The following P2RY6 variants were observed in gnomAD, a reference collection of about 807,000 sequenced individuals.
The protein encoded by P2RY6 is pyrimidinergic receptor P2Y6.
A neutral mutation model predicts 16.3 loss-of-function variants in P2RY6; 19 were observed. That is an observed-to-expected ratio of 1.16 (90% CI 0.81 to 1.71). The LOEUF is 1.71. Ranked by LOEUF, P2RY6 falls within the 40% of genes most tolerant of loss-of-function variation. P2RY6 has a pLI of 0.00. For missense variants in P2RY6, 389 were observed against 455.5 expected, an observed-to-expected ratio of 0.85 and a Z score of 1.33; for synonymous variants, 184 against 201.5, an observed-to-expected ratio of 0.91 and a Z score of 0.74.
At chr11:73,293,055 G>T in intron 1 of P2RY6, 1 of 337,992 alleles carries the variant, frequency 3.0e-6, no homozygotes, top group Non-Finnish European at 4.2e-6. Flanking sequence ...GGGCCACAGA[G>T]TTAGGAGGCC....
intron 1 of P2RY6, among the ~76,000 whole-genome samples, chr11:73,292,057 T>G (rs1288425897): frequency 1.3e-5 from 2 of 152,200 alleles, no homozygotes; most frequent in Non-Finnish European, 2.9e-5. Context: ...CATCCCCTGC[T>G]CTGGTCTCCT....
chr11:73,287,901 G>A (rs962817300), intron 1 of P2RY6, among the ~76,000 whole-genome samples: 17 of 152,182 alleles, frequency 1.1e-4, no homozygotes, highest in Admixed American at 7.2e-4. Context: ...ACCACAGGCC[G>A]TCCCTCTGCT....
chr11:73,287,211 A>T (rs1864004115), intron 1 of P2RY6, among the ~76,000 whole-genome samples: 2 of 152,304 alleles, frequency 1.3e-5, no homozygotes, highest in South Asian at 4.1e-4. Flanking sequence ...AATGCCTGGA[A>T]CTTAGTTCAC....
intron 1 of P2RY6, 36 bp downstream of exon 1, chr11:73,272,502 G>T (rs185403830): frequency 1.4e-5 from 14 of 985,386 alleles, no homozygotes; most frequent in Non-Finnish European, 1.7e-5. Context: ...AAGGGCTTGC[G>T]CCCCTCAGCT....
At chr11:73,273,154 C>G (rs1262460334) in intron 1 of P2RY6, among the ~76,000 whole-genome samples, 1 of 151,596 alleles carries the variant, frequency 6.6e-6, no homozygotes, top group African/African-American at 2.4e-5. Flanking sequence ...AAGGGCCTAT[C>G]TGGGAGAGCT....
intron 1 of P2RY6, among the ~76,000 whole-genome samples, chr11:73,293,350 G>T (rs1439812066): frequency 6.6e-6 from 1 of 152,192 alleles, no homozygotes; most frequent in Non-Finnish European, 1.5e-5. Flanking sequence ...CTTGGCAGGG[G>T]TCTTGAATGT....
chr11:73,296,095 A>G (rs1476646394), intron 2 of P2RY6, among the ~76,000 whole-genome samples: 1 of 151,998 alleles, frequency 6.6e-6, no homozygotes, highest in East Asian at 1.9e-4. Context: ...TCACCACCTC[A>G]AGGTCATATA....
chr11:73,292,845 G>T, intron 1 of P2RY6: 5 of 985,144 alleles, frequency 5.1e-6, no homozygotes, highest in Non-Finnish European at 6.0e-6. Context: ...AGGAGAGTGG[G>T]GAGCCTCAGG....
intron 1 of P2RY6, among the ~76,000 whole-genome samples, chr11:73,292,162 T>C (rs1181015121): frequency 1.3e-5 from 2 of 152,248 alleles, no homozygotes; most frequent in African/African-American, 4.8e-5. Flanking sequence ...ACAGCCCACG[T>C]CCATCACTCC....
chr11:73,285,227 C>T (rs1591680609), intron 1 of P2RY6, among the ~76,000 whole-genome samples: 2 of 152,228 alleles, frequency 1.3e-5, no homozygotes, highest in East Asian at 3.9e-4. Context: ...CACGCCAACA[C>T]ATCCAGTTAA....
At chr11:73,293,483 C>G (rs1407651830) in intron 1 of P2RY6, among the ~76,000 whole-genome samples, 1 of 152,212 alleles carries the variant, frequency 6.6e-6, no homozygotes, top group African/African-American at 2.4e-5. Context: ...AGGCTGGGGT[C>G]TAGCCTGGTC....
chr11:73,291,383 G>C (rs1864240395), intron 1 of P2RY6, among the ~76,000 whole-genome samples: 1 of 152,172 alleles, frequency 6.6e-6, no homozygotes, highest in Non-Finnish European at 1.5e-5. Context: ...TGCTGGGAGT[G>C]GGTACGGGAG....
chr11:73,297,614 G>T lies in P2RY6; in HGVS notation c.*109G>T. 1.1e-6 allele frequency: 1 copy of T among 869,972 alleles called. No individual in the cohort carries two copies. The highest frequency in any genetic ancestry group is 2.6e-5 in the East Asian group (1 of 38,064). The allele number at this position is 869,972 out of a possible 1,614,324, so 53.9% of individuals were successfully genotyped here. On this transcript the variant is annotated 3_prime_UTR_variant, in exon 3 of 3. Transcript: ENST00000540124. ...ATTAGAGTTCAGCTCAGCTGGGCAT[G>T]GAGTTAAGATCCCTCACAGGACCCA...
chr11:73,292,297 G>C (rs188716371), intron 1 of P2RY6, among the ~76,000 whole-genome samples: 4 of 151,496 alleles, frequency 2.6e-5, no homozygotes, highest in African/African-American at 9.8e-5. Flanking sequence ...AGAGGGAAGC[G>C]GGGGGAGAAG....
Position 73,296,581 on chromosome 11 carries a change from C to A in P2RY6, c.63C>A (p.Arg21=), listed in dbSNP as rs376517250. Residue 21 remains arginine (R), a synonymous_variant, in exon 3 of 3, where the codon CGC becomes CGA. Coordinates refer to ENST00000540124, the MANE Select transcript of P2RY6 (RefSeq NM_001277204.2). Reference sequence around the variant, plus strand: ...TGCCACCCACCACCTGTGTCTACCGCGAGAACTTCAAGCAACTGCTGCTGC... The same window carrying A: ...TGCCACCCACCACCTGTGTCTACCGAGAGAACTTCAAGCAACTGCTGCTGC... ...LGLPPTTCVY[R]ENFKQLLLPP... 3 of 1,614,208 alleles carry A rather than the reference C, an allele frequency of 1.9e-6. No individual in the cohort carries two copies. Among genetic ancestry groups the A allele is most frequent in the Non-Finnish European group, 2.5e-6 (3 of 1,180,038 alleles).
intron 1 of P2RY6, among the ~76,000 whole-genome samples, chr11:73,273,047 C>T (rs1329319183): frequency 6.7e-6 from 1 of 150,136 alleles, no homozygotes; most frequent in Non-Finnish European, 1.5e-5. Flanking sequence ...GCCATTCCAG[C>T]TAAATCTTAA....
At position 73,298,623 on chromosome 11, in the gene P2RY6, T is replaced by G. The variant is rs1864603076; in HGVS notation, c.*1118T>G. ...CTACAAAAAAATATAAAAAATAGCC[T>G]GGTGTGGTGGTGTCTGACTGTAGTA... On this transcript the variant is annotated 3_prime_UTR_variant, in exon 3 of 3. Coordinates refer to ENST00000540124, the MANE Select transcript of P2RY6 (RefSeq NM_001277204.2). 6.5e-6 allele frequency: 1 copy of G among 154,306 alleles called. No homozygotes were observed. Among genetic ancestry groups the G allele is most frequent in the South Asian group, 2.1e-4 (1 of 4,808 alleles). 9.6% of individuals were successfully genotyped at this position (154,306 alleles called of 1,614,324 possible).
chr11:73,278,827 A>G (rs887877957), intron 1 of P2RY6, among the ~76,000 whole-genome samples: 1 of 152,200 alleles, frequency 6.6e-6, no homozygotes, highest in African/African-American at 2.4e-5. Flanking sequence ...TGCTATGAAC[A>G]TTGATGTATA....
intron 1 of P2RY6, among the ~76,000 whole-genome samples, chr11:73,289,214 A>G (rs1323025338): frequency 6.6e-6 from 1 of 152,234 alleles, no homozygotes; most frequent in Non-Finnish European, 1.5e-5. Flanking sequence ...CTCCTGCTCT[A>G]GAACTGACCC....
Sources: gnomAD v4.1 joint callset for allele counts (sites outside exome capture counted in the v4.1 genomes callset) on GRCh38, gnomAD v4.1.1 for gene constraint, MANE v1.5 for transcripts, NCBI Gene and HGNC (gene_info 2026-07-23, HGNC 2026-07-21) for gene names.